VPS36: variants seen among roughly 807,000 people sequenced by gnomAD.
The protein encoded by VPS36 is vacuolar protein sorting 36 homolog, also known as vacuolar protein-sorting-associated protein 36.
A neutral mutation model predicts 63.5 loss-of-function variants in VPS36; 31 were observed. That is an observed-to-expected ratio of 0.49 (90% CI 0.37 to 0.66). VPS36 has a LOEUF of 0.66. Among genes scored for constraint, VPS36 ranks in the 30% least tolerant of loss-of-function variants. VPS36 has a pLI of 0.00. For missense variants in VPS36, 338 were observed against 463.7 expected (o/e 0.73, Z 2.49); for synonymous variants, 138 against 157.2 (o/e 0.88, Z 0.91).
intron 1 of VPS36, among the ~76,000 whole-genome samples, chr13:52,445,789 A>C (rs1261438480): frequency 7.0e-6 from 1 of 142,122 alleles, no homozygotes; most frequent in African/African-American, 2.6e-5. Flanking sequence ...TACAAAAAAA[A>C]AATAGCCGGG....
chr13:52,446,291 G>A (rs1032715126), intron 1 of VPS36, among the ~76,000 whole-genome samples: 1 of 151,034 alleles, frequency 6.6e-6, no homozygotes, highest in Non-Finnish European at 1.5e-5. Context: ...AGTACATAAT[G>A]CTGCATTATA....
chr13:52,425,840 T>C (rs1958096286), intron 9 of VPS36, 92 bp downstream of exon 9: 1 of 1,312,926 alleles, frequency 7.6e-7, no homozygotes, highest in Non-Finnish European at 1.0e-6. Flanking sequence ...AATAACCATA[T>C]CATGAAAATA....
At chr13:52,444,865 C>T (rs910475888) in intron 1 of VPS36, among the ~76,000 whole-genome samples, 5 of 152,098 alleles carry the variant, frequency 3.3e-5, no homozygotes, top group African/African-American at 1.2e-4. Flanking sequence ...GCATGTATAA[C>T]TTCATGTAAC....
In VPS36 at chr13:52,425,981, T is replaced by A. The variant is rs1023958760; in HGVS notation, c.725A>T (p.His242Leu). 6.2e-7 allele frequency: 1 copy of A among 1,614,058 alleles called. No homozygotes were observed. Among genetic ancestry groups the A allele is most frequent in the Non-Finnish European group, 8.5e-7 (1 of 1,180,022 alleles). The change falls in exon 9 of 14, where the codon CAC becomes CTC. Residue 242 changes from histidine (H) to leucine (L), a missense_variant. Physicochemically the swap from His to Leu is moderately conservative, Grantham distance 99 (BLOSUM62 -3). Coordinates refer to ENST00000378060, the MANE Select transcript of VPS36 (RefSeq NM_016075.4). ...RETYGSGTQY[H>L]MQLAKQLAGI... ...AGCCAGTTGTTTGGCCAGCTGCATG[T>A]GGTACTGTGTGCCTGAGCCGTAGGT...
chr13:52,418,643 T>C lies in VPS36; in HGVS notation c.841-587A>G, dbSNP rs576808346. On this transcript the variant is annotated intron_variant, in intron 10 of 13. Transcript: ENST00000378060. Reference sequence around the variant, plus strand: ...CATGAAATTAATTTTAATGCATATATTTTAAGATTGAACATAGAACCAATT... The same window carrying C: ...CATGAAATTAATTTTAATGCATATACTTTAAGATTGAACATAGAACCAATT... Among the ~76,000 whole-genome samples the C allele has an allele frequency of 9.2e-5, 14 of 151,414 alleles. No individual in the cohort carries two copies. In the South Asian group the frequency reaches 2.9e-3, roughly 32 times the overall value.
chr13:52,423,451 A>G (rs1958065223), intron 10 of VPS36, 123 bp downstream of exon 10: 1 of 735,272 alleles, frequency 1.4e-6, no homozygotes, highest in South Asian at 2.1e-5. Context: ...GTATTCTTTC[A>G]CTGTACCACA....
At chr13:52,425,288 A>G (rs1035218363) in intron 9 of VPS36, among the ~76,000 whole-genome samples, 7 of 151,928 alleles carry the variant, frequency 4.6e-5, no homozygotes. Flanking sequence ...TGAACACTAG[A>G]TATTAGATAA....
rs958180744 is a variant in VPS36 at position 52,439,514 on chromosome 13, C to T, written c.166-346G>A. 2.0e-5 allele frequency among the ~76,000 whole-genome samples: 3 copies of T among 151,748 alleles called. No individual in the cohort carries two copies. The East Asian group carries it at 5.8e-4, about 30-fold the overall frequency. ...AGGCTGGAGTGCAGTGGCGTGATCT[C>T]GGATCACTGCAAGCTCTGCCTCCTG... On this transcript the variant is annotated intron_variant, in intron 2 of 13. Transcript: ENST00000378060.
intron 1 of VPS36, 79 bp downstream of exon 1, chr13:52,450,420 C>T: frequency 7.0e-7 from 1 of 1,434,424 alleles, no homozygotes; most frequent in African/African-American, 1.5e-5. Flanking sequence ...CGCGCCGACC[C>T]GGGCCGCGCT....
At chr13:52,433,821 A>G in intron 5 of VPS36, 73 bp from the exon 6 acceptor site, 2 of 1,395,432 alleles carry the variant, frequency 1.4e-6, no homozygotes, top group Admixed American at 2.1e-5. Flanking sequence ...AACCAACCAC[A>G]TTGTGTTTTC....
intron 6 of VPS36, among the ~76,000 whole-genome samples, chr13:52,429,755 A>C (rs1164716238): frequency 6.6e-6 from 1 of 152,246 alleles, no homozygotes; most frequent in African/African-American, 2.4e-5. Flanking sequence ...TAAATTAAGA[A>C]AAACATTATT....
chr13:52,422,828 T>C (rs1326421748), intron 10 of VPS36, among the ~76,000 whole-genome samples: 2 of 152,234 alleles, frequency 1.3e-5, no homozygotes, highest in Non-Finnish European at 2.9e-5. Context: ...ATATCTTAAT[T>C]GCCCTGTGAT....
chr13:52,420,772 A>C lies in VPS36; in HGVS notation c.841-2716T>G, dbSNP rs145412514. Among the ~76,000 whole-genome samples the C allele has an allele frequency of 2.4e-3, 360 of 152,356 alleles. 3 individuals are homozygous for C. In the South Asian group the frequency reaches 0.027, roughly 11 times the overall value. On this transcript the variant is annotated intron_variant, in intron 10 of 13. Transcript: ENST00000378060. Reference sequence around the variant, plus strand: ...TTATATGCTTGTATCAAAATTTCACATGTACCCCATAAATACGTACAACTA... The same window carrying C: ...TTATATGCTTGTATCAAAATTTCACCTGTACCCCATAAATACGTACAACTA...
At chr13:52,437,217 T>C (rs950631678) in intron 3 of VPS36, among the ~76,000 whole-genome samples, 1 of 152,196 alleles carries the variant, frequency 6.6e-6, no homozygotes, top group Non-Finnish European at 1.5e-5. Flanking sequence ...TTTGGAACCA[T>C]ATGGTTACCT....
intron 6 of VPS36, among the ~76,000 whole-genome samples, chr13:52,430,976 G>A (rs1341092479): frequency 6.6e-6 from 1 of 151,718 alleles, no homozygotes; most frequent in Admixed American, 6.6e-5. Flanking sequence ...CAAGAAAACT[G>A]ACCTTCATGT....
intron 9 of VPS36, 108 bp from the exon 10 acceptor site, chr13:52,423,747 T>TAATTTATAATTATA: frequency 9.9e-7 from 1 of 1,006,524 alleles, no homozygotes; most frequent in Non-Finnish European, 1.4e-6. Context: ...GAAAAATTTT[T>TAATTTATAATTATA]AAGAAGCTTA....
At chr13:52,431,564 A>G (rs1369294537) in intron 6 of VPS36, among the ~76,000 whole-genome samples, 2 of 151,942 alleles carry the variant, frequency 1.3e-5, no homozygotes, top group Non-Finnish European at 2.9e-5. Context: ...GGAGTTCGAG[A>G]GCAGCCTGAC....
At chr13:52,438,895 G>A (rs558531789) in intron 3 of VPS36, among the ~76,000 whole-genome samples, 1 of 152,322 alleles carries the variant, frequency 6.6e-6, no homozygotes, top group African/African-American at 2.4e-5. Context: ...TGAAAGCAAA[G>A]TGTCTACGGA....
At chr13:52,442,249 G>T in intron 2 of VPS36, 128 bp downstream of exon 2, 1 of 710,078 alleles carries the variant, frequency 1.4e-6, no homozygotes, top group Non-Finnish European at 2.1e-6. Context: ...TACTCGGGAG[G>T]TTGAGGCCAG....
Sources: allele counts gnomAD v4.1 joint callset (sites outside exome capture counted in the v4.1 genomes callset), GRCh38; gene constraint gnomAD v4.1.1; transcripts MANE v1.5; gene names NCBI Gene and HGNC (gene_info 2026-07-23, HGNC 2026-07-21).